The following FHL1 variants were observed in gnomAD, a reference collection of about 807,000 sequenced individuals.
The protein encoded by FHL1 is four and a half LIM domains 1, also known as four and a half LIM domains protein 1.
FHL1 carries 1 observed loss-of-function variant against 20.3 expected under a neutral mutation model. The observed-to-expected ratio is 0.05, with a 90% CI of 0.02 to 0.23. The LOEUF (loss-of-function observed/expected upper bound fraction) is 0.23. Among genes scored for constraint, FHL1 ranks in the 10% least tolerant of loss-of-function variants. FHL1 has a pLI of 1.00. For synonymous variants in FHL1, 82 were observed against 88.9 expected (o/e 0.92, Z 0.44); for missense variants, 177 against 234.0 (o/e 0.76, Z 1.59).
At chrX:136,158,976 A>G (rs1392839147) in intron 1 of FHL1, among the ~76,000 whole-genome samples, 1 of 110,604 alleles carries the variant, frequency 9.0e-6, no homozygotes, top group Non-Finnish European at 1.9e-5. Context: ...TAAACCCTAG[A>G]CTTTAGTTCA....
intron 2 of FHL1, among the ~76,000 whole-genome samples, chrX:136,173,122 C>T (rs2072917402): frequency 8.9e-6 from 1 of 112,356 alleles, no homozygotes; most frequent in African/African-American, 3.2e-5. Context: ...AGAATTATTC[C>T]ATTTGGCTGC....
At position 136,207,871 on chromosome X, in the gene FHL1, G is replaced by T. The variant is rs1408476189; in HGVS notation, c.459G>T (p.Gly153=). Residue 153 remains glycine, a synonymous_variant, in exon 4 of 6, where the codon GGG becomes GGT. Transcript: ENST00000370683. ...GTAGTAACTGCAAGCAAGTCATCGG[G>T]ACTGGAAGCTTCTTCCCTAAAGGGG... The part of the protein sequence containing the change: ...FTCSNCKQVI[G]TGSFFPKGED... The T allele has an allele frequency of 8.2e-7, 1 of 1,212,238 alleles. No homozygotes were observed. Among genetic ancestry groups the T allele is most frequent in the Non-Finnish European group, 1.1e-6 (1 of 895,538 alleles).
At position 136,159,037 on chromosome X, in the gene FHL1, A is replaced by G. The variant is rs926592101; in HGVS notation, c.-100-10870A>G. 2.7e-5 allele frequency among the ~76,000 whole-genome samples: 3 copies of G among 110,238 alleles called. No homozygotes were observed. The Admixed American group carries it at 2.9e-4, about 11-fold the overall frequency. The stretch of plus-strand genomic sequence containing the variant: ...CAATTGGGACAAATGTACCACATCA[A>G]TACAAGATATTAATAATAGGGGAAA... On this transcript the variant is annotated intron_variant, in intron 1 of 7. Coordinates refer to the FHL1 transcript ENST00000394155.
intron 1 of FHL1, among the ~76,000 whole-genome samples, chrX:136,203,180 T>C (rs968113286): frequency 8.9e-6 from 1 of 112,823 alleles, no homozygotes; most frequent in African/African-American, 3.2e-5. Flanking sequence ...TTACTTATTA[T>C]GCAACAAATC....
At chrX:136,188,858 C>A (rs777282976) in intron 2 of FHL1, among the ~76,000 whole-genome samples, 50 of 111,367 alleles carry the variant, frequency 4.5e-4, no homozygotes, top group Non-Finnish European at 8.3e-4. Flanking sequence ...TCGGCACAAA[C>A]AGCCTCATCT....
intron 2 of FHL1, among the ~76,000 whole-genome samples, chrX:136,178,356 T>C (rs1181984767): frequency 1.8e-5 from 2 of 112,093 alleles, no homozygotes; most frequent in African/African-American, 6.5e-5. Flanking sequence ...TTGTCTTGTC[T>C]TATCAGCCAG....
At chrX:136,193,930 A>G (rs1374316165), upstream of FHL1, among the ~76,000 whole-genome samples, 2 of 107,971 alleles carry the variant, frequency 1.9e-5, no homozygotes. Context: ...CTACTTCCTT[A>G]TCTTGTGCTT....
intron 1 of FHL1, among the ~76,000 whole-genome samples, chrX:136,198,148 G>GT (rs10708015): frequency 1.0e-3 from 102 of 101,363 alleles, no homozygotes; most frequent in Admixed American, 1.5e-3. Flanking sequence ...AAGTTGTCTG[G>GT]TTTTTTTTTT....
upstream of FHL1, among the ~76,000 whole-genome samples, chrX:136,165,621 T>C (rs910888970): frequency 8.9e-6 from 1 of 112,287 alleles, no homozygotes; most frequent in African/African-American, 3.2e-5. Context: ...ATTCAAAGAA[T>C]TGAGAGGAGA....
chrX:136,155,155 T>TGC (rs1431207332), intron 1 of FHL1, among the ~76,000 whole-genome samples: 9 of 112,180 alleles, frequency 8.0e-5, no homozygotes, highest in African/African-American at 2.9e-4. Flanking sequence ...TCCACCTGAC[T>TGC]GCACTCACTT....
At chrX:136,209,147 A>ATCCACGTGCCCTGGGCCCTTTCCCTTGCC in intron 5 of FHL1, 1 of 848,214 alleles carries the variant, frequency 1.2e-6, no homozygotes, top group African/African-American at 2.1e-5. Flanking sequence ...CGCGGCCGCG[A>ATCCACGTGCCCTGGGCCCTTTCCCTTGCC]TCCACGTGCC....
At chrX:136,194,359 G>A (rs2073504061), upstream of FHL1, among the ~76,000 whole-genome samples, 1 of 111,937 alleles carries the variant, frequency 8.9e-6, no homozygotes, top group Non-Finnish European at 1.9e-5. Context: ...TGGCTGGGGC[G>A]GCATTATCTA....
At chrX:136,163,593 A>G (rs2072632608) in intron 1 of FHL1, among the ~76,000 whole-genome samples, 1 of 111,962 alleles carries the variant, frequency 8.9e-6, no homozygotes, top group Non-Finnish European at 1.9e-5. Flanking sequence ...GCTCTTTTGC[A>G]GGAAAAATGG....
intron 1 of FHL1, among the ~76,000 whole-genome samples, chrX:136,199,880 A>T (rs1016346040): frequency 1.8e-5 from 2 of 112,454 alleles, no homozygotes; most frequent in Non-Finnish European, 3.8e-5. Context: ...GAAGAAATAC[A>T]TGAGAAAATA....
At chrX:136,169,262 C>T (rs986177139), upstream of FHL1, 3 of 119,026 alleles carry the variant, frequency 2.5e-5, no homozygotes, top group African/African-American at 9.9e-5. Context: ...CGTAGCGGGC[C>T]ATATTTGTGT....
At chrX:136,197,968 G>GT (rs56750734) in intron 1 of FHL1, among the ~76,000 whole-genome samples, 6,713 of 96,572 alleles carry the variant, frequency 0.07, 184 homozygotes, top group South Asian at 0.092. Flanking sequence ...CATTATCTAT[G>GT]TTTTTTTTTT....
In FHL1 at chrX:136,211,143, A is replaced by G. The variant is rs1206093324; in HGVS notation, c.*1118A>G. The G allele has an allele frequency of 8.0e-6, 3 of 373,095 alleles. No individual in the cohort carries two copies. Among genetic ancestry groups the G allele is most frequent in the Non-Finnish European group, 1.0e-5 (2 of 196,493 alleles). The allele number at this position is 373,095 out of a possible 1,213,427, so 30.7% of individuals were successfully genotyped here. A position where few individuals can be genotyped will look rare whatever the true frequency, so the allele number is the denominator to read the frequency against. On this transcript the variant is annotated 3_prime_UTR_variant, in exon 6 of 6. Coordinates refer to ENST00000370683, the MANE Select transcript of FHL1 (RefSeq NM_001159699.2). Reference sequence around the variant, plus strand: ...TGGATTTCCACCTACCGCTTACCTGAAATGCAGGATCACCTACTTACTGTA... The same window carrying G: ...TGGATTTCCACCTACCGCTTACCTGGAATGCAGGATCACCTACTTACTGTA...
intron 2 of FHL1, among the ~76,000 whole-genome samples, chrX:136,185,211 T>G (rs913309490): frequency 1.8e-4 from 20 of 112,674 alleles, no homozygotes; most frequent in Non-Finnish European, 3.6e-4. Context: ...TCACAATTCC[T>G]GAATTAATCT....
At chrX:136,173,784 T>C (rs933710161) in intron 2 of FHL1, among the ~76,000 whole-genome samples, 11 of 108,027 alleles carry the variant, frequency 1.0e-4, no homozygotes, top group African/African-American at 3.0e-4. Flanking sequence ...TTATAAGCTC[T>C]GCCTCCCAGG....
Sources: gnomAD v4.1 joint callset for allele counts (sites outside exome capture counted in the v4.1 genomes callset) on GRCh38, gnomAD v4.1.1 for gene constraint, MANE v1.5 for transcripts, NCBI Gene and HGNC (gene_info 2026-07-23, HGNC 2026-07-21) for gene names.